The following A1BG variants were observed in gnomAD, a reference collection of about 807,000 sequenced individuals.
A1BG encodes alpha-1-B glycoprotein, also known as alpha-1B-glycoprotein.
A neutral mutation model predicts 46.0 loss-of-function variants in A1BG; 44 were observed. That is an observed-to-expected ratio of 0.96 (90% CI 0.75 to 1.23). The LOEUF (loss-of-function observed/expected upper bound fraction) is 1.23, where lower values mean the gene tolerates loss of function less well. Among genes scored for constraint, A1BG ranks in the 50% most tolerant of loss-of-function variants. The pLI is 0.00. For missense variants in A1BG, 707 were observed against 688.8 expected, an observed-to-expected ratio of 1.03 and a Z score of -0.30; for synonymous variants, 316 against 314.7, an observed-to-expected ratio of 1.00 and a Z score of -0.04.
In A1BG at chr19:58,347,380, T is replaced by C. The variant is rs932469116; in HGVS notation, c.1453A>G (p.Ser485Gly). 1.9e-6 allele frequency: 3 copies of C among 1,612,102 alleles called. No individual in the cohort carries two copies. The South Asian group carries it at 3.3e-5, about 18-fold the overall frequency. The change falls in exon 7 of 8, where the codon AGC becomes GGC. Residue 485 changes from serine (S) to glycine (G), a missense_variant. Ser to Gly is a moderately conservative substitution (Grantham distance 56). Coordinates refer to ENST00000263100, the MANE Select transcript of A1BG (RefSeq NM_130786.4). ...WVPHTFESEL[S>G]DPVELLVAES ...GCCACCAGGAGCTCCACAGGGTCGCTGAGCTCCGATTCGAAGGTGTGGGGC... is the reference window on the plus strand; with the variant it reads ...GCCACCAGGAGCTCCACAGGGTCGCCGAGCTCCGATTCGAAGGTGTGGGGC...
In A1BG at chr19:58,353,406, C is replaced by T. The variant is rs1225724335; in HGVS notation, c.32G>A (p.Trp11Ter). 1 of 1,612,806 alleles carries T rather than the reference C, an allele frequency of 6.2e-7. No homozygotes were observed. Among genetic ancestry groups the T allele is most frequent in the Non-Finnish European group, 8.5e-7 (1 of 1,179,536 alleles). Residue 11 changes from tryptophan (W) to a stop codon, truncating the protein, a stop_gained and splice_region_variant, in exon 1 of 8, where the codon TGG becomes TAG. Transcript: ENST00000263100. LOFTEE classifies it high-confidence loss of function. MSMLVVFLLLWGVTWGPVTEA... is the reference protein window; with the variant it reads MSMLVVFLLL ...ACCCAGACCCCAGGAGGCCTCACCC[C>T]ACAGCAAGAGAAAGACCACGAGCAT...
chr19:58,347,336 AC>A lies in A1BG; in HGVS notation c.1480+16del, dbSNP rs2051920374. ...TCAGCAGACGGAACCAGCACCCGGGACCCAGGGAAACGTCACCTGCCACCAG... is the reference window on the plus strand; with the variant it reads ...TCAGCAGACGGAACCAGCACCCGGGACCAGGGAAACGTCACCTGCCACCAG... On this transcript the variant is annotated intron_variant, in intron 7 of 7. Transcript: ENST00000263100. 6.2e-7 allele frequency: 1 copy of A among 1,609,680 alleles called. No individual in the cohort carries two copies. Among genetic ancestry groups the A allele is most frequent in the Admixed American group, 1.7e-5 (1 of 59,980 alleles).
At chr19:58,352,141 C>A in intron 4 of A1BG, 142 bp downstream of exon 4, 2 of 1,498,276 alleles carry the variant, frequency 1.3e-6, no homozygotes, top group East Asian at 2.3e-5. Context: ...CCTTTGCAAC[C>A]ATCAGACCCA....
In A1BG at chr19:58,347,588, C is replaced by T; in HGVS notation, c.1245G>A (p.Ala415=). Residue 415 remains alanine (A), a synonymous_variant, in exon 7 of 8, where the codon GCG becomes GCA. Transcript: ENST00000263100. ...CGCAGCGCAGGACGGCATCTCGGCC[C>T]GCCAGGACCGCCCCACTCCACGTCG... ...LRATWSGAVL[A]GRDAVLRCEG... is the part of the protein sequence containing the mutation. The T allele has an allele frequency of 1.3e-6, 2 of 1,512,654 alleles. No individual in the cohort carries two copies. The highest frequency in any genetic ancestry group is 1.2e-5 in the South Asian group (1 of 80,262). 93.7% of individuals were successfully genotyped at this position (1,512,654 alleles called of 1,614,324 possible). A position where few individuals can be genotyped will look rare whatever the true frequency, so the allele number is the denominator to read the frequency against.
chr19:58,346,595 C>A lies in A1BG; in HGVS notation c.*427G>T. On this transcript the variant is annotated 3_prime_UTR_variant, in exon 8 of 8. Coordinates refer to ENST00000263100, the MANE Select transcript of A1BG (RefSeq NM_130786.4). ...ATTAGCCAGACGTGGCGATGCATGC[C>A]CAGGCTCCCAGCTACTTGGGAGGCT... 3.8e-6 allele frequency: 1 copy of A among 260,138 alleles called. No homozygotes were observed. Among genetic ancestry groups the A allele is most frequent in the South Asian group, 3.7e-5 (1 of 27,206 alleles). The allele number at this position is 260,138 out of a possible 1,614,324, so 16.1% of individuals were successfully genotyped here.
At chr19:58,351,259 C>T (rs1331942613) in intron 5 of A1BG, 132 bp downstream of exon 5, 3 of 1,121,710 alleles carry the variant, frequency 2.7e-6, no homozygotes, top group Non-Finnish European at 3.8e-6. Context: ...GACCCTGAAT[C>T]GGCGGGTGGG....
rs759485384 is a variant in A1BG, at chr19:58,351,678, G to A, written c.623C>T (p.Pro208Leu). 1 of 1,590,446 alleles carries A rather than the reference G, an allele frequency of 6.3e-7. No individual in the cohort carries two copies. Residue 208 changes from proline (P) to leucine (L), a missense_variant, in exon 5 of 8, where the codon CCA (proline) becomes CTA (leucine). Transcript: ENST00000263100. ...TCCATGGTGCATCAGCACAGGCGGT[G>A]GTGGTGCAGCTGCAATGCAGGCAGC... ...TVTIEELAAPPPPVLMHHGES... is the reference protein window; with the variant it reads ...TVTIEELAAPLPPVLMHHGES...
Position 58,353,292 on chromosome 19 carries a change from A to T in A1BG, c.70T>A (p.Phe24Ile). 6.2e-7 allele frequency: 1 copy of T among 1,613,598 alleles called. No individual in the cohort carries two copies. Among genetic ancestry groups the T allele is most frequent in the Non-Finnish European group, 8.5e-7 (1 of 1,179,862 alleles). ...TCCCAGACCTCACCCCTGCACTCAC[A>T]TATGGCTGCTTCTGTCACTGGGCCC... ...TWGPVTEAAI[F>I]YETQPSLWAE... Residue 24 changes from phenylalanine to isoleucine, a missense_variant and splice_region_variant, in exon 2 of 8, where the codon TTT becomes ATT. Phe to Ile is a conservative substitution (Grantham distance 21, BLOSUM62 0). Transcript: ENST00000263100.
rs760105773 is a variant in A1BG, at chr19:58,346,997, A to G, written c.*25T>C. On this transcript the variant is annotated 3_prime_UTR_variant, in exon 8 of 8. Coordinates refer to ENST00000263100, the MANE Select transcript of A1BG (RefSeq NM_130786.4). ...ATCCCCGGCACTTCTGAGGACACCA[A>G]CAGCACCCTGGGCCCGCGGCTGCAT... 6.2e-6 allele frequency: 10 copies of G among 1,613,882 alleles called. No homozygotes were observed. The African/African-American group carries it at 1.1e-4, about 17-fold the overall frequency.
At position 58,350,480 on chromosome 19, in the gene A1BG, A is replaced by T; in HGVS notation, c.1082T>A (p.Leu361Gln). 1.3e-6 allele frequency: 2 copies of T among 1,556,372 alleles called. No individual in the cohort carries two copies. The highest frequency in any genetic ancestry group is 1.7e-6 in the Non-Finnish European group (2 of 1,150,594). Residue 361 changes from leucine to glutamine, a missense_variant, in exon 6 of 8, where the codon CTG becomes CAG. Coordinates refer to ENST00000263100, the MANE Select transcript of A1BG (RefSeq NM_130786.4). ...GGAGTCAGCCACGGAAATGTTGTGC[A>T]GCTCGAAGAGCGCCTCGGTCCCAGC... ...SPAGTEALFELHNISVADSAN... is the reference protein window; with the variant it reads ...SPAGTEALFEQHNISVADSAN...
intron 5 of A1BG, 102 bp from the exon 6 acceptor site, chr19:58,350,753 G>C: frequency 1.6e-6 from 2 of 1,232,688 alleles, no homozygotes; most frequent in Non-Finnish European, 2.1e-6. Context: ...TCTTCTGCCC[G>C]CAATGACCTG....
intron 7 of A1BG, 94 bp from the exon 8 acceptor site, chr19:58,347,123 C>A (rs181368785): frequency 6.6e-7 from 1 of 1,505,908 alleles, no homozygotes; most frequent in Non-Finnish European, 9.1e-7. Context: ...GACGCCCCCC[C>A]GGAAGGAAGC....
intron 6 of A1BG, 81 bp from the exon 7 acceptor site, chr19:58,347,721 C>T: frequency 1.1e-6 from 1 of 912,076 alleles, no homozygotes; most frequent in Admixed American, 4.4e-5. Context: ...CACCCCAGGC[C>T]GCGCCCGCGC....
At chr19:58,347,683 G>GCCGCGCC in intron 6 of A1BG, 43 bp from the exon 7 acceptor site, 4 of 1,270,862 alleles carry the variant, frequency 3.1e-6, no homozygotes, top group Non-Finnish European at 4.0e-6. Flanking sequence ...CACGCCCCAG[G>GCCGCGCC]CCACGCCCCA....
Position 58,345,721 on chromosome 19 carries a change from AAGAG to A in A1BG, c.*1297_*1300del, listed in dbSNP as rs1334812350. The stretch of plus-strand genomic sequence containing the variant: ...AAAAATTGATAAACCACTAGCAAGA[AAGAG>A]AGAGAGGACACATCAGGCTTGAGAG... On this transcript the variant is annotated 3_prime_UTR_variant, in exon 8 of 8. Coordinates refer to ENST00000263100, the MANE Select transcript of A1BG (RefSeq NM_130786.4). The A allele has an allele frequency of 6.6e-6, 1 of 152,380 alleles. No homozygotes were observed. Among genetic ancestry groups the A allele is most frequent in the African/African-American group, 2.4e-5 (1 of 41,462 alleles). 9.4% of individuals were successfully genotyped at this position (152,380 alleles called of 1,614,324 possible). A position where few individuals can be genotyped will look rare whatever the true frequency, so the allele number is the denominator to read the frequency against.
chr19:58,353,451 A>G lies in A1BG; in HGVS notation c.-14T>C. ...GAGCATGGACATGATGGTCGCGCTC[A>G]CTCCGGTGCAGTGAGTGTCTGGGGT... On this transcript the variant is annotated 5_prime_UTR_variant, in exon 1 of 8. Transcript: ENST00000263100. The G allele has an allele frequency of 1.2e-6, 2 of 1,604,242 alleles. No homozygotes were observed. Among genetic ancestry groups the G allele is most frequent in the Non-Finnish European group, 8.5e-7 (1 of 1,175,298 alleles).
chr19:58,351,391 C>T lies in A1BG; in HGVS notation c.910G>A (p.Glu304Lys). 6.2e-7 allele frequency: 1 copy of T among 1,609,232 alleles called. No homozygotes were observed. Among genetic ancestry groups the T allele is most frequent in the Middle Eastern group, 1.7e-4 (1 of 5,974 alleles). ...SAPVELILSD[E>K]TLPAPEFSPE... The stretch of plus-strand genomic sequence containing the variant: ...CCTGTCCCTGCTGGCCCCGGCTCAC[C>T]ATCGCTCAGAATCAGCTCGACCGGC... Residue 304 changes from glutamate to lysine, a missense_variant and splice_region_variant, in exon 5 of 8, where the codon GAG becomes AAG. Glu to Lys is a moderately conservative substitution (Grantham distance 56). Coordinates refer to ENST00000263100, the MANE Select transcript of A1BG (RefSeq NM_130786.4).
At position 58,351,442 on chromosome 19, in the gene A1BG, G is replaced by C. The variant is rs749058804; in HGVS notation, c.859C>G (p.Gln287Glu). ...GCGCTGTCCCCGGACCAGCCGTTTTGGTTGTCATGCAGCCGGTAGCGGCAG... is the reference window on the plus strand; with the variant it reads ...GCGCTGTCCCCGGACCAGCCGTTTTCGTTGTCATGCAGCCGGTAGCGGCAG... ...YTCRYRLHDN[Q>E]NGWSGDSAPV... The change falls in exon 5 of 8, where the codon CAA becomes GAA. Residue 287 changes from glutamine (Q) to glutamate (E), a missense_variant. By Grantham distance (29) the Gln-to-Glu change is conservative. Transcript: ENST00000263100. The C allele has an allele frequency of 2.5e-6, 4 of 1,613,638 alleles. No individual in the cohort carries two copies. In the African/African-American group the frequency reaches 5.3e-5, roughly 22 times the overall value.
At chr19:58,347,689 C>CCCCCAGGCCGCG (rs1555779295) in intron 6 of A1BG, 49 bp from the exon 7 acceptor site, 5 of 431,630 alleles carry the variant, frequency 1.2e-5, no homozygotes, top group African/African-American at 2.4e-5. Flanking sequence ...CCAGGCCACG[C>CCCCCAGGCCGCG]CCCAGGCCAC....
Sources: allele counts gnomAD v4.1 joint callset, GRCh38; gene constraint gnomAD v4.1.1; transcripts MANE v1.5; gene names NCBI Gene and HGNC (gene_info 2026-07-23, HGNC 2026-07-21).